BLTP1: variants seen among roughly 807,000 people sequenced by gnomAD.
BLTP1 encodes the protein fragile site-associated protein.
the BLTP1 span, chr4:122,190,120 A>ATC: frequency 6.2e-7 from 1 of 1,609,988 alleles, no homozygotes; most frequent in Non-Finnish European, 8.5e-7. Context: ...TTAAAGTGAC[A>ATC]GAGTGAGACT....
the BLTP1 span, among the ~76,000 whole-genome samples, chr4:122,235,859 G>T: frequency 2.0e-5 from 3 of 152,144 alleles, no homozygotes; most frequent in East Asian, 5.8e-4. Context: ...ACACCAGTTT[G>T]CTATGAGCAG....
the BLTP1 span, among the ~76,000 whole-genome samples, chr4:122,330,343 A>G: frequency 6.6e-6 from 1 of 151,864 alleles, no homozygotes; most frequent in Admixed American, 6.6e-5. Flanking sequence ...CATTCCTACC[A>G]AAATATGCAA....
the BLTP1 span, among the ~76,000 whole-genome samples, chr4:122,186,778 C>T: frequency 6.6e-6 from 1 of 152,092 alleles, no homozygotes; most frequent in East Asian, 1.9e-4. Flanking sequence ...CAAGTCTAGC[C>T]CACTGCCTGT....
the BLTP1 span, chr4:122,209,864 A>G: frequency 1.2e-6 from 2 of 1,613,650 alleles, no homozygotes; most frequent in East Asian, 2.2e-5. Flanking sequence ...CATGCTTACA[A>G]TTGATTATAC....
chr4:122,260,627 A>T, the BLTP1 span, among the ~76,000 whole-genome samples: 1 of 152,124 alleles, frequency 6.6e-6, no homozygotes, highest in Non-Finnish European at 1.5e-5. Flanking sequence ...ATTGATGAGA[A>T]TCAAATTGGT....
At chr4:122,262,062 T>C in the BLTP1 span, 1 of 926,142 alleles carries the variant, frequency 1.1e-6, no homozygotes, top group African/African-American at 1.8e-5. Flanking sequence ...GCAGGGAAGG[T>C]TGCTGAAGAT....
At chr4:122,289,604 G>T in the BLTP1 span, 2 of 985,266 alleles carry the variant, frequency 2.0e-6, no homozygotes, top group Non-Finnish European at 2.4e-6. Context: ...TATTTTTGCT[G>T]TTCCTCAAGA....
At chr4:122,286,210 T>G in the BLTP1 span, among the ~76,000 whole-genome samples, 1 of 152,212 alleles carries the variant, frequency 6.6e-6, no homozygotes, top group Non-Finnish European at 1.5e-5. Flanking sequence ...CTTGATTTTC[T>G]TGTTACAATG....
At chr4:122,294,795 A>C in the BLTP1 span, among the ~76,000 whole-genome samples, 3 of 152,334 alleles carry the variant, frequency 2.0e-5, no homozygotes, top group Admixed American at 6.5e-5. Context: ...TAGGCTTCAG[A>C]AGGTGGGTAA....
the BLTP1 span, chr4:122,276,583 T>A: frequency 7.1e-6 from 7 of 985,338 alleles, no homozygotes; most frequent in South Asian, 3.3e-4. Flanking sequence ...ACCATCTGGG[T>A]GTGTTCTGGC....
the BLTP1 span, chr4:122,206,021 A>T: frequency 3.1e-6 from 3 of 983,464 alleles, no homozygotes; most frequent in Non-Finnish European, 3.6e-6. Context: ...AAGAGCTTTT[A>T]TTTATTGGGA....
the BLTP1 span, among the ~76,000 whole-genome samples, chr4:122,357,483 T>C: frequency 6.6e-6 from 1 of 151,750 alleles, no homozygotes; most frequent in Non-Finnish European, 1.5e-5. Flanking sequence ...GGAGGATCGC[T>C]TGAGCCTGGG....
At chr4:122,299,950 A>G in the BLTP1 span, 1 of 980,938 alleles carries the variant, frequency 1.0e-6, no homozygotes, top group African/African-American at 1.7e-5. Flanking sequence ...CACTAAGTGT[A>G]CAAAGACACA....
the BLTP1 span, among the ~76,000 whole-genome samples, chr4:122,279,442 T>A: frequency 1.3e-5 from 2 of 152,196 alleles, no homozygotes; most frequent in Non-Finnish European, 2.9e-5. Context: ...TTTGCTATAA[T>A]TCGCCCAAAC....
the BLTP1 span, chr4:122,187,799 G>T: frequency 4.6e-6 from 6 of 1,315,802 alleles, no homozygotes; most frequent in Non-Finnish European, 6.1e-6. Flanking sequence ...TTAAGCTGTT[G>T]TTTGAAAATG....
At chr4:122,281,686 GT>G in the BLTP1 span, 1 of 1,613,010 alleles carries the variant, frequency 6.2e-7, no homozygotes, top group Non-Finnish European at 8.5e-7. Context: ...TCAGTGCCAT[GT>G]TAGATGGTAT....
At chr4:122,167,066 A>G in the BLTP1 span, among the ~76,000 whole-genome samples, 1 of 152,152 alleles carries the variant, frequency 6.6e-6, no homozygotes, top group Non-Finnish European at 1.5e-5. Context: ...CTTTCCTCTT[A>G]GTAGAAAATA....
the BLTP1 span, chr4:122,199,281 A>C: frequency 6.4e-7 from 1 of 1,554,240 alleles, no homozygotes; most frequent in Non-Finnish European, 8.7e-7. Flanking sequence ...GAGTGGTGGT[A>C]GGAGTTGGTT....
chr4:122,343,993 T>C, the BLTP1 span: 8 of 958,182 alleles, frequency 8.3e-6, no homozygotes, highest in Non-Finnish European at 9.9e-6. Context: ...AAAGAGACTA[T>C]AATTTAAGTC....
Sources: gnomAD v4.1 joint callset for allele counts (sites outside exome capture counted in the v4.1 genomes callset) on GRCh38, gnomAD v4.1.1 for gene constraint, MANE v1.5 for transcripts, NCBI Gene and HGNC (gene_info 2026-07-23, HGNC 2026-07-21) for gene names.